RCOR3: variants seen among roughly 807,000 people sequenced by gnomAD.
The protein encoded by RCOR3 is REST corepressor 3.
Under a neutral mutation model 64.1 loss-of-function variants are expected in RCOR3, and 13 were observed. The observed-to-expected ratio is 0.20, with a 90% CI of 0.13 to 0.32. The LOEUF (loss-of-function observed/expected upper bound fraction) is 0.32, where lower values mean the gene tolerates loss of function less well. Ranked by LOEUF, RCOR3 falls within the 10% of genes least tolerant of loss-of-function variation. The probability of loss-of-function intolerance (pLI) is 1.00; values close to 1 mark genes in which losing one functional copy is unlikely to be tolerated. For synonymous variants in RCOR3, 215 were observed against 239.0 expected (o/e 0.90, Z 0.93); for missense variants, 489 against 701.2 (o/e 0.70, Z 3.42).
At chr1:211,288,804 T>G (rs1277197048) in intron 7 of RCOR3, among the ~76,000 whole-genome samples, 1 of 152,088 alleles carries the variant, frequency 6.6e-6, no homozygotes, top group Non-Finnish European at 1.5e-5. Flanking sequence ...ATTTTTATTT[T>G]TAGAGGAACT....
chr1:211,291,628 G>C (rs1379151787), intron 8 of RCOR3: 17 of 450,836 alleles, frequency 3.8e-5, no homozygotes. Flanking sequence ...TATAGTGTGG[G>C]ATCAAGATTC....
intron 10 of RCOR3, among the ~76,000 whole-genome samples, chr1:211,304,440 T>C (rs955471378): frequency 3.3e-5 from 5 of 152,234 alleles, no homozygotes; most frequent in Non-Finnish European, 7.3e-5. Context: ...ATTCCTGCAG[T>C]TGGGTTCGTT....
chr1:211,307,825 TA>T (rs1558110016), intron 10 of RCOR3, among the ~76,000 whole-genome samples: 2 of 151,672 alleles, frequency 1.3e-5, no homozygotes, highest in South Asian at 4.1e-4. Flanking sequence ...AGTTATTTTT[TA>T]TATAATTATT....
chr1:211,277,905 C>T (rs896549062), intron 5 of RCOR3, among the ~76,000 whole-genome samples: 3 of 152,166 alleles, frequency 2.0e-5, no homozygotes, highest in Admixed American at 6.5e-5. Context: ...TCTTCCCCTC[C>T]TCTCCCAGAA....
chr1:211,274,093 CTT>C (rs5780634), intron 3 of RCOR3, 115 bp from the exon 4 acceptor site: 654 of 552,636 alleles, frequency 1.2e-3, no homozygotes, highest in South Asian at 2.3e-3. Flanking sequence ...GTGCCTTTGG[CTT>C]TTTTTTTTAC....
chr1:211,273,386 T>A (rs1042417114), intron 3 of RCOR3, among the ~76,000 whole-genome samples: 10 of 152,200 alleles, frequency 6.6e-5, no homozygotes, highest in African/African-American at 2.2e-4. Context: ...CAAACCCAGG[T>A]AGACTAGCTG....
intron 1 of RCOR3, 130 bp from the exon 2 acceptor site, chr1:211,259,978 T>G (rs1472291783): frequency 9.5e-6 from 11 of 1,159,060 alleles, no homozygotes; most frequent in East Asian, 5.3e-5. Context: ...GTGCCCCGAG[T>G]TGATATCTTC....
rs368314017 is a variant in RCOR3, at chr1:211,313,806, C to T, written c.*38C>T. ...ACACAGCTGCAGTAACTTTTCACCCCATCATTATACCAGTGCTCATCTGAC... is the reference window on the plus strand; with the variant it reads ...ACACAGCTGCAGTAACTTTTCACCCTATCATTATACCAGTGCTCATCTGAC... On this transcript the variant is annotated 3_prime_UTR_variant, in exon 12 of 12. Coordinates refer to ENST00000419091, the MANE Select transcript of RCOR3 (RefSeq NM_001136223.3). The surrounding 1 kb of genome is among the most constrained non-coding windows in gnomAD (Gnocchi z 4.7). The T allele has an allele frequency of 7.2e-6, 11 of 1,517,950 alleles. No homozygotes were observed. Among genetic ancestry groups the T allele is most frequent in the African/African-American group, 4.1e-5 (3 of 73,070 alleles). 94.0% of individuals were successfully genotyped at this position (1,517,950 alleles called of 1,614,324 possible). A position where few individuals can be genotyped will look rare whatever the true frequency, so the allele number is the denominator to read the frequency against.
At chr1:211,280,973 A>G (rs1697710983) in intron 7 of RCOR3, among the ~76,000 whole-genome samples, 1 of 136,506 alleles carries the variant, frequency 7.3e-6, no homozygotes, top group Non-Finnish European at 1.6e-5. Flanking sequence ...AACAAGAGCG[A>G]AACTCCATCT....
chr1:211,272,192 T>C (rs1447984293), intron 3 of RCOR3, among the ~76,000 whole-genome samples: 1 of 152,224 alleles, frequency 6.6e-6, no homozygotes, highest in Admixed American at 6.5e-5. Flanking sequence ...GTCTAGCTGG[T>C]AATCTAGAAA....
chr1:211,288,289 C>T (rs1167752121), intron 7 of RCOR3, among the ~76,000 whole-genome samples: 2 of 151,152 alleles, frequency 1.3e-5, no homozygotes, highest in African/African-American at 4.9e-5. Flanking sequence ...CTAGATTATT[C>T]TTTCAGAATA....
intron 5 of RCOR3, among the ~76,000 whole-genome samples, chr1:211,277,568 G>A (rs1469369239): frequency 6.6e-6 from 1 of 152,122 alleles, no homozygotes; most frequent in Admixed American, 6.5e-5. Flanking sequence ...AGACACAAAA[G>A]GTCACATATT....
intron 2 of RCOR3, among the ~76,000 whole-genome samples, chr1:211,268,800 G>A (rs550031103): frequency 2.6e-5 from 4 of 151,922 alleles, no homozygotes; most frequent in Non-Finnish European, 4.4e-5. Flanking sequence ...AAAGGCTTTC[G>A]AATACTTTGG....
At chr1:211,295,915 G>T (rs1699821278) in intron 9 of RCOR3, among the ~76,000 whole-genome samples, 162 bp downstream of exon 9, 1 of 152,104 alleles carries the variant, frequency 6.6e-6, no homozygotes, top group Admixed American at 6.5e-5. Context: ...GATCTTATGA[G>T]GCTTGGTTAA....
intron 2 of RCOR3, 28 bp downstream of exon 2, chr1:211,260,192 C>T (rs773848239): frequency 1.2e-6 from 2 of 1,603,602 alleles, no homozygotes; most frequent in African/African-American, 1.3e-5. Flanking sequence ...AGCAAAATCT[C>T]ATATCCCCTT....
intron 8 of RCOR3, among the ~76,000 whole-genome samples, chr1:211,291,861 G>A (rs922952468): frequency 6.6e-5 from 10 of 152,144 alleles, no homozygotes; most frequent in African/African-American, 2.4e-4. Flanking sequence ...GCTCATGCCT[G>A]TAATCCCAAC....
intron 7 of RCOR3, among the ~76,000 whole-genome samples, chr1:211,280,326 C>T (rs1027492927): frequency 6.6e-6 from 1 of 152,144 alleles, no homozygotes; most frequent in African/African-American, 2.4e-5. Context: ...GCCTTTCCAC[C>T]GTGGTATATT....
intron 4 of RCOR3, among the ~76,000 whole-genome samples, chr1:211,274,960 C>T (rs926605894): frequency 6.6e-6 from 1 of 151,236 alleles, no homozygotes; most frequent in Non-Finnish European, 1.5e-5. Flanking sequence ...GTATAACATA[C>T]ATAGTTATGG....
chr1:211,272,526 G>A (rs1696347483), intron 3 of RCOR3, among the ~76,000 whole-genome samples: 1 of 148,150 alleles, frequency 6.7e-6, no homozygotes, highest in Non-Finnish European at 1.5e-5. Context: ...ATCACTTGGG[G>A]AATTTTTTTT....
Sources: gnomAD v4.1 joint callset for allele counts (sites outside exome capture counted in the v4.1 genomes callset) on GRCh38, gnomAD v4.1.1 for gene constraint, Gnocchi (gnomAD v3.1) non-coding constraint, MANE v1.5 for transcripts, NCBI Gene and HGNC (gene_info 2026-07-23, HGNC 2026-07-21) for gene names.